COL25A1: variants seen among roughly 807,000 people sequenced by gnomAD.
COL25A1 encodes the protein collagen alpha-1(XXV) chain.
A neutral mutation model predicts 128.4 loss-of-function variants in COL25A1; 103 were observed. The ratio of observed to expected loss-of-function variants is 0.80; its 90% CI spans 0.68 to 0.94. The LOEUF (loss-of-function observed/expected upper bound fraction) is 0.94. Among genes scored for constraint, COL25A1 ranks in the 40% least tolerant of loss-of-function variants. The probability of loss-of-function intolerance (pLI) is 0.00; values close to 1 mark genes in which losing one functional copy is unlikely to be tolerated. For synonymous variants in COL25A1, 279 were observed against 277.2 expected (o/e 1.01, Z -0.06); for missense variants, 745 against 840.0 (o/e 0.89, Z 1.40).
chr4:109,109,767 C>T (rs771825096), intron 3 of COL25A1, among the ~76,000 whole-genome samples: 25 of 152,294 alleles, frequency 1.6e-4, no homozygotes, highest in Non-Finnish European at 3.5e-4. Context: ...GGCTATCTTG[C>T]TCCCTAATGT....
chr4:109,098,152 A>C (rs955154057), intron 3 of COL25A1, among the ~76,000 whole-genome samples: 1 of 152,144 alleles, frequency 6.6e-6, no homozygotes, highest in Non-Finnish European at 1.5e-5. Flanking sequence ...ACCCTTCATC[A>C]ATATCATCTA....
At chr4:109,139,267 T>C (rs1018230659) in intron 3 of COL25A1, among the ~76,000 whole-genome samples, 7 of 152,180 alleles carry the variant, frequency 4.6e-5, no homozygotes, top group Non-Finnish European at 8.8e-5. Flanking sequence ...TTTTCTTCCA[T>C]TCTGTTGGTT....
intron 16 of COL25A1, among the ~76,000 whole-genome samples, chr4:108,895,662 T>C (rs1742034033): frequency 6.6e-6 from 1 of 152,194 alleles, no homozygotes; most frequent in South Asian, 2.1e-4. Flanking sequence ...AGGTAAATTT[T>C]CAAGACTGCA....
chr4:109,300,786 A>G (rs570652461), intron 2 of COL25A1, 134 bp from the exon 3 acceptor site: 1 of 616,710 alleles, frequency 1.6e-6, no homozygotes, highest in Admixed American at 2.8e-5. Flanking sequence ...ATGTACTTGG[A>G]CTCTAGTCAA....
intron 24 of COL25A1, among the ~76,000 whole-genome samples, chr4:108,855,069 T>C: frequency 6.6e-6 from 1 of 152,108 alleles, no homozygotes; most frequent in Non-Finnish European, 1.5e-5. Context: ...AACATTTCCT[T>C]TAGGGACTCT....
At chr4:109,202,004 T>C (rs1776593165) in intron 3 of COL25A1, among the ~76,000 whole-genome samples, 1 of 152,134 alleles carries the variant, frequency 6.6e-6, no homozygotes, top group South Asian at 2.1e-4. Flanking sequence ...TATTTCATGC[T>C]CCTGAACAGA....
At chr4:108,973,938 A>T (rs1275374196) in intron 8 of COL25A1, among the ~76,000 whole-genome samples, 1 of 152,246 alleles carries the variant, frequency 6.6e-6, no homozygotes, top group Non-Finnish European at 1.5e-5. Flanking sequence ...AAATATGTAA[A>T]ATGCACTGAT....
chr4:108,889,597 A>T (rs1741248635), intron 17 of COL25A1, 104 bp downstream of exon 17: 2 of 954,872 alleles, frequency 2.1e-6, no homozygotes, highest in East Asian at 4.8e-5. Context: ...GAATAAGAAC[A>T]GAGTTATAAC....
At chr4:109,033,705 C>T (rs901826413) in intron 5 of COL25A1, among the ~76,000 whole-genome samples, 5 of 151,748 alleles carry the variant, frequency 3.3e-5, no homozygotes, top group Non-Finnish European at 7.4e-5. Context: ...AATATTAGTT[C>T]ATTTAATAAT....
chr4:109,249,861 A>G (rs907742809), intron 3 of COL25A1, among the ~76,000 whole-genome samples: 17 of 152,202 alleles, frequency 1.1e-4, no homozygotes, highest in Admixed American at 6.5e-4. Context: ...TTACTTATAA[A>G]TAATCTATAT....
At chr4:109,242,986 T>C (rs1403853419) in intron 3 of COL25A1, among the ~76,000 whole-genome samples, 1 of 152,126 alleles carries the variant, frequency 6.6e-6, no homozygotes, top group African/African-American at 2.4e-5. Context: ...GTTTTCATGC[T>C]GGACATTATA....
intron 8 of COL25A1, among the ~76,000 whole-genome samples, chr4:108,952,813 C>T (rs1376227537): frequency 6.8e-6 from 1 of 147,588 alleles, no homozygotes; most frequent in Non-Finnish European, 1.5e-5. Flanking sequence ...TCTTCAGCAG[C>T]CTGTGAGAAA....
At chr4:108,856,728 T>C (rs746877276) in intron 24 of COL25A1, among the ~76,000 whole-genome samples, 2 of 152,128 alleles carry the variant, frequency 1.3e-5, no homozygotes, top group Non-Finnish European at 2.9e-5. Flanking sequence ...TATTGGCTGT[T>C]TAGTAGTCAT....
At chr4:108,978,356 A>T (rs1272542195) in intron 6 of COL25A1, among the ~76,000 whole-genome samples, 2 of 152,150 alleles carry the variant, frequency 1.3e-5, no homozygotes, top group Non-Finnish European at 2.9e-5. Context: ...CTTCCTTCCG[A>T]ATTGGACCCT....
At chr4:108,999,467 C>A (rs897010723) in intron 6 of COL25A1, among the ~76,000 whole-genome samples, 36 of 152,164 alleles carry the variant, frequency 2.4e-4, no homozygotes, top group Admixed American at 2.2e-3. Context: ...CAGGAAACAA[C>A]AGATTCTGGA....
At chr4:109,154,549 T>C (rs899045308) in intron 3 of COL25A1, among the ~76,000 whole-genome samples, 5 of 152,232 alleles carry the variant, frequency 3.3e-5, no homozygotes, top group African/African-American at 1.2e-4. Flanking sequence ...GGGTCAGGTC[T>C]GTGGGGCACA....
intron 3 of COL25A1, among the ~76,000 whole-genome samples, chr4:109,053,375 C>T (rs1352930417): frequency 7.9e-5 from 12 of 152,202 alleles, no homozygotes; most frequent in African/African-American, 2.7e-4. Context: ...CCTCCTAAAC[C>T]ACGCCAGTTC....
At chr4:108,891,996 C>G (rs1232333458) in intron 16 of COL25A1, among the ~76,000 whole-genome samples, 1 of 148,518 alleles carries the variant, frequency 6.7e-6, no homozygotes, top group Non-Finnish European at 1.5e-5. Context: ...TTTTTTTTTT[C>G]TTTTTTAAAG....
chr4:109,007,180 G>A (rs1332660290), intron 6 of COL25A1, among the ~76,000 whole-genome samples: 1 of 152,078 alleles, frequency 6.6e-6, no homozygotes, highest in African/African-American at 2.4e-5. Context: ...AGCAGAGCAG[G>A]GGTTAGGAAA....
Sources: allele counts gnomAD v4.1 joint callset (sites outside exome capture counted in the v4.1 genomes callset), GRCh38; gene constraint gnomAD v4.1.1; transcripts MANE v1.5; gene names NCBI Gene and HGNC (gene_info 2026-07-23, HGNC 2026-07-21).